CTNNA3: variants seen among roughly 807,000 people sequenced by gnomAD.
The protein encoded by CTNNA3 is catenin alpha 3, also known as catenin alpha-3.
CTNNA3 carries 76 observed loss-of-function variants against 95.7 expected under a neutral mutation model. The observed-to-expected ratio is 0.79, with a 90% confidence interval of 0.66 to 0.96. CTNNA3 has a LOEUF of 0.96. CTNNA3 is among the 40% of genes least tolerant of loss of function. The pLI is 0.00. For synonymous variants in CTNNA3, 431 were observed against 374.4 expected, an observed-to-expected ratio of 1.15 and a Z score of -1.74; for missense variants, 1,191 against 1,089.8, an observed-to-expected ratio of 1.09 and a Z score of -1.31.
At chr10:67,566,031 A>ATG (rs1841760003) in intron 3 of CTNNA3, among the ~76,000 whole-genome samples, 2 of 58,224 alleles carry the variant, frequency 3.4e-5, no homozygotes, top group African/African-American at 1.1e-4. Context: ...ACACACACAC[A>ATG]TATGTGTGTG....
At chr10:67,522,471 G>A (rs375068284) in intron 4 of CTNNA3, among the ~76,000 whole-genome samples, 1 of 152,030 alleles carries the variant, frequency 6.6e-6, no homozygotes, top group African/African-American at 2.4e-5. Flanking sequence ...ACAAACTTCA[G>A]CAAGAAAGAT....
At chr10:66,249,368 AC>A (rs2090458729) in intron 13 of CTNNA3, among the ~76,000 whole-genome samples, 1 of 152,228 alleles carries the variant, frequency 6.6e-6, no homozygotes, top group Non-Finnish European at 1.5e-5. Context: ...TTTGCAAACT[AC>A]CCCCCTGAGA....
At chr10:66,371,514 A>C (rs182119746) in intron 12 of CTNNA3, among the ~76,000 whole-genome samples, 1 of 152,284 alleles carries the variant, frequency 6.6e-6, no homozygotes. Context: ...TTGGCTTTGC[A>C]ACAAGCTGCT....
intron 10 of CTNNA3, among the ~76,000 whole-genome samples, chr10:66,559,249 T>G (rs1337408344): frequency 6.6e-6 from 1 of 152,026 alleles, no homozygotes; most frequent in Non-Finnish European, 1.5e-5. Flanking sequence ...CTCTGATACT[T>G]TTAACACAAA....
chr10:66,313,719 A>T (rs1432755383), intron 12 of CTNNA3, among the ~76,000 whole-genome samples: 1 of 152,142 alleles, frequency 6.6e-6, no homozygotes, highest in East Asian at 1.9e-4. Context: ...ATCTCCAGCA[A>T]TTGCCATGAC....
At chr10:66,418,232 A>G (rs2093162596) in intron 11 of CTNNA3, among the ~76,000 whole-genome samples, 1 of 151,858 alleles carries the variant, frequency 6.6e-6, no homozygotes, top group South Asian at 2.1e-4. Context: ...ATCAGAGACT[A>G]TCACGGAAAA....
intron 3 of CTNNA3, among the ~76,000 whole-genome samples, chr10:67,598,925 C>T (rs1843001496): frequency 6.6e-6 from 1 of 151,920 alleles, no homozygotes; most frequent in Non-Finnish European, 1.5e-5. Flanking sequence ...GCTGAAGAAC[C>T]CAATAGAAAC....
At chr10:66,825,707 T>A (rs1337935788) in intron 7 of CTNNA3, among the ~76,000 whole-genome samples, 1 of 152,048 alleles carries the variant, frequency 6.6e-6, no homozygotes, top group Non-Finnish European at 1.5e-5. Context: ...CTAGCCAAAC[T>A]TTTTTTTCTA....
intron 7 of CTNNA3, 123 bp downstream of exon 7, chr10:67,180,194 A>G (rs1862450065): frequency 2.4e-6 from 2 of 830,304 alleles, no homozygotes; most frequent in Non-Finnish European, 1.9e-6. Context: ...TAGAAAATCA[A>G]CCTATGTAAA....
chr10:67,302,033 A>AC (rs1840330365), intron 5 of CTNNA3, among the ~76,000 whole-genome samples: 1 of 96,886 alleles, frequency 1.0e-5, no homozygotes, highest in African/African-American at 6.1e-5. Context: ...GAAAGAAAGA[A>AC]AGAAAGAAAG....
chr10:66,879,402 T>C (rs1844756022), intron 7 of CTNNA3, among the ~76,000 whole-genome samples: 1 of 152,142 alleles, frequency 6.6e-6, no homozygotes, highest in Admixed American at 6.6e-5. Flanking sequence ...AATCCCATCA[T>C]AATGTTAACA....
Position 66,379,348 on chromosome 10 carries a change from G to A in CTNNA3, c.1536C>T (p.Ser512=), listed in dbSNP as rs1060504519. The change falls in exon 12 of 18, where the codon AGC becomes AGT. Residue 512 remains serine (S), a synonymous_variant. Coordinates refer to ENST00000433211, the MANE Select transcript of CTNNA3 (RefSeq NM_013266.4). ...SIDDFLAVSE[S]HILEDVNKCI... ...ACTTGTTGACATCTTCCAAGATATG[G>A]CTTTCTGTAAGTAAATGAATCAAAT... 1 of 1,613,184 alleles carries A rather than the reference G, an allele frequency of 6.2e-7. No homozygotes were observed. The highest frequency in any genetic ancestry group is 1.7e-5 in the Admixed American group (1 of 59,984).
At chr10:66,065,944 A>G (rs1483641617) in intron 15 of CTNNA3, among the ~76,000 whole-genome samples, 8 of 151,982 alleles carry the variant, frequency 5.3e-5, no homozygotes, top group Admixed American at 2.6e-4. Context: ...GCTCACCACA[A>G]TCTCCGCATC....
intron 9 of CTNNA3, among the ~76,000 whole-genome samples, chr10:66,707,400 T>TG: frequency 6.9e-6 from 1 of 145,352 alleles, no homozygotes; most frequent in South Asian, 2.1e-4. Flanking sequence ...TACATTTTAA[T>TG]TTTTTTTTTG....
At chr10:66,412,057 G>T (rs1419766092) in intron 11 of CTNNA3, among the ~76,000 whole-genome samples, 1 of 152,040 alleles carries the variant, frequency 6.6e-6, no homozygotes, top group African/African-American at 2.4e-5. Flanking sequence ...GCAAAATTGT[G>T]GATCCAAGTA....
chr10:66,389,556 G>T (rs2092919786), intron 11 of CTNNA3, among the ~76,000 whole-genome samples: 1 of 152,090 alleles, frequency 6.6e-6, no homozygotes, highest in Non-Finnish European at 1.5e-5. Context: ...TAATACATGG[G>T]ATAATAAAGG....
intron 11 of CTNNA3, among the ~76,000 whole-genome samples, chr10:66,494,596 A>G (rs1840040425): frequency 6.7e-6 from 1 of 150,356 alleles, no homozygotes; most frequent in African/African-American, 2.5e-5. Flanking sequence ...AACTCTTAAG[A>G]CTGGTAGCAG....
intron 5 of CTNNA3, among the ~76,000 whole-genome samples, chr10:67,478,369 T>A (rs929898642): frequency 6.6e-6 from 1 of 152,080 alleles, no homozygotes; most frequent in Non-Finnish European, 1.5e-5. Flanking sequence ...AAAAAAATCT[T>A]AAGGGCAGCT....
At chr10:66,860,073 G>C (rs1409946604) in intron 7 of CTNNA3, among the ~76,000 whole-genome samples, 3 of 143,324 alleles carry the variant, frequency 2.1e-5, no homozygotes, top group Non-Finnish European at 4.6e-5. Flanking sequence ...GCTAAATGAT[G>C]AGTTAATGGG....
Sources: gnomAD v4.1 joint callset for allele counts (sites outside exome capture counted in the v4.1 genomes callset) on GRCh38, gnomAD v4.1.1 for gene constraint, MANE v1.5 for transcripts, NCBI Gene and HGNC (gene_info 2026-07-23, HGNC 2026-07-21) for gene names.